SULF1: variants seen among roughly 807,000 people sequenced by gnomAD.
SULF1 encodes sulfatase 1, also known as extracellular sulfatase Sulf-1.
SULF1 carries 46 observed loss-of-function variants against 110.5 expected under a neutral mutation model. That is an observed-to-expected ratio of 0.42 (90% CI 0.33 to 0.53). The LOEUF is 0.53. SULF1 is among the 20% of genes least tolerant of loss of function. The pLI is 0.12. For missense variants in SULF1, 941 were observed against 1,094.2 expected (o/e 0.86, Z 1.98); for synonymous variants, 371 against 387.1 (o/e 0.96, Z 0.49).
At chr8:69,504,260 G>T (rs1811013591) in intron 3 of SULF1, among the ~76,000 whole-genome samples, 1 of 151,790 alleles carries the variant, frequency 6.6e-6, no homozygotes, top group African/African-American at 2.4e-5. Flanking sequence ...TCTAGGCTGG[G>T]CACAGTGGCT....
intron 1 of SULF1, among the ~76,000 whole-genome samples, chr8:69,470,177 C>G (rs541145133): frequency 6.6e-5 from 10 of 152,194 alleles, no homozygotes; most frequent in South Asian, 4.2e-4. Flanking sequence ...TTCCCCTGTG[C>G]AATATTTTTG....
chr8:69,473,373 T>C (rs1480226694), intron 1 of SULF1: 1 of 152,180 alleles, frequency 6.6e-6, no homozygotes, highest in African/African-American at 2.4e-5. Flanking sequence ...ACAGACAGAT[T>C]GTGTTTCTCA....
rs559186123 is a variant in SULF1 at position 69,505,889 on chromosome 8, T to C, written c.-134+3921T>C. On this transcript the variant is annotated intron_variant, in intron 3 of 22. Coordinates refer to ENST00000402687, the MANE Select transcript of SULF1 (RefSeq NM_001128205.2). ...TTGTAAAAACCATATAACAGTCGCT[T>C]AAGAGTTTTTTTTTTTTAAATCACA... Among the ~76,000 whole-genome samples, 20 of 152,206 alleles carry C rather than the reference T, an allele frequency of 1.3e-4. No individual in the cohort carries two copies. The South Asian group carries it at 4.1e-3, about 32-fold the overall frequency.
chr8:69,601,841 T>C lies in SULF1; in HGVS notation c.1061+12T>C. On this transcript the variant is annotated intron_variant, in intron 10 of 22. Transcript: ENST00000402687. ...GAACCAGGATCAATGTACGTATTTC[T>C]CTGTTTGCAACATTCAACTGTCGTA... is the stretch of plus-strand genomic sequence containing the variant. The C allele has an allele frequency of 6.3e-7, 1 of 1,595,446 alleles. No homozygotes were observed. The highest frequency in any genetic ancestry group is 2.3e-5 in the East Asian group (1 of 44,282).
At chr8:69,648,939 A>G (rs16936212) in intron 22 of SULF1, among the ~76,000 whole-genome samples, 6,338 of 152,284 alleles carry the variant, frequency 0.042, 455 homozygotes, top group African/African-American at 0.15. Context: ...ATTTGTCTTA[A>G]TGGATTCACG....
At chr8:69,627,340 CCAAACT>C in intron 16 of SULF1, 34 bp downstream of exon 16, 3 of 1,561,620 alleles carry the variant, frequency 1.9e-6, no homozygotes, top group Non-Finnish European at 2.6e-6. Flanking sequence ...CAGATATATT[CCAAACT>C]CAAACTCGGC....
At chr8:69,494,885 A>AG (rs1810223964) in intron 1 of SULF1, among the ~76,000 whole-genome samples, 1 of 123,210 alleles carries the variant, frequency 8.1e-6, no homozygotes, top group African/African-American at 4.5e-5. Flanking sequence ...ATCTCAAAGG[A>AG]AAAAAAAAAA....
intron 1 of SULF1, among the ~76,000 whole-genome samples, chr8:69,472,819 T>C (rs1003700786): frequency 6.6e-6 from 1 of 152,216 alleles, no homozygotes; most frequent in Non-Finnish European, 1.5e-5. Context: ...CAGTAGTGTA[T>C]TAAACTTTTT....
chr8:69,503,072 C>T (rs1722200975), intron 3 of SULF1, among the ~76,000 whole-genome samples: 1 of 152,182 alleles, frequency 6.6e-6, no homozygotes, highest in South Asian at 2.1e-4. Context: ...TGAACCTCAC[C>T]TAAAAAGCAA....
At position 69,651,983 on chromosome 8, in the gene SULF1, G is replaced by A. The variant is rs533321065; in HGVS notation, c.2586-6522G>A. 6.7e-4 allele frequency among the ~76,000 whole-genome samples: 102 copies of A among 152,242 alleles called. 2 individuals are homozygous for A. In the South Asian group the frequency reaches 0.017, roughly 25 times the overall value. ...GGCTGAAATCTTCTGGGGGCTCGAG[G>A]CAAGAATGTCCTTGCTTTTCCAGTT... is the stretch of plus-strand genomic sequence containing the variant. On this transcript the variant is annotated intron_variant, in intron 22 of 22. Coordinates refer to ENST00000402687, the MANE Select transcript of SULF1 (RefSeq NM_001128205.2).
chr8:69,534,924 A>G (rs1036485188), intron 3 of SULF1, among the ~76,000 whole-genome samples: 7 of 152,140 alleles, frequency 4.6e-5, no homozygotes, highest in African/African-American at 1.7e-4. Context: ...ATAATATAAG[A>G]CTTTATAAGG....
intron 6 of SULF1, among the ~76,000 whole-genome samples, chr8:69,582,781 C>T (rs1025699467): frequency 1.3e-5 from 2 of 151,796 alleles, no homozygotes; most frequent in Admixed American, 1.3e-4. Context: ...CTGTTAAGTG[C>T]AAGCTTTTTG....
chr8:69,633,518 A>G (rs1044558192), intron 19 of SULF1, among the ~76,000 whole-genome samples: 1 of 151,486 alleles, frequency 6.6e-6, no homozygotes, highest in African/African-American at 2.4e-5. Context: ...TTTAGTAGAG[A>G]CAGGGTTTCC....
chr8:69,501,163 T>C (rs1167135827), intron 2 of SULF1, among the ~76,000 whole-genome samples: 1 of 152,194 alleles, frequency 6.6e-6, no homozygotes, highest in Non-Finnish European at 1.5e-5. Flanking sequence ...ATTTTTTAAA[T>C]GTGAAGGAAA....
intron 8 of SULF1, among the ~76,000 whole-genome samples, chr8:69,592,194 G>A (rs1021967213): frequency 3.9e-5 from 6 of 152,206 alleles, no homozygotes; most frequent in South Asian, 2.1e-4. Flanking sequence ...GCAAGGACAC[G>A]TGGTCACTGT....
chr8:69,558,437 G>A (rs185986983), intron 3 of SULF1, among the ~76,000 whole-genome samples: 222 of 152,236 alleles, frequency 1.5e-3, no homozygotes, highest in African/African-American at 5.1e-3. Context: ...TAATTCTTCT[G>A]CCCCATCCAA....
At chr8:69,574,596 ATT>A (rs756468205) in intron 5 of SULF1, among the ~76,000 whole-genome samples, 1 of 152,214 alleles carries the variant, frequency 6.6e-6, no homozygotes, top group Non-Finnish European at 1.5e-5. Context: ...CCTCTAGAGA[ATT>A]TATTACTGAA....
intron 3 of SULF1, among the ~76,000 whole-genome samples, chr8:69,554,171 G>C (rs1013197136): frequency 6.6e-6 from 1 of 152,194 alleles, no homozygotes; most frequent in Non-Finnish European, 1.5e-5. Context: ...GCTGAGAAAT[G>C]AAAGTTTAAA....
chr8:69,608,170 T>C (rs776164723), intron 13 of SULF1, among the ~76,000 whole-genome samples: 33 of 152,346 alleles, frequency 2.2e-4, no homozygotes, highest in Admixed American at 3.9e-4. Flanking sequence ...TCTAGTTGTG[T>C]CTTCTCAAAT....
Sources: gnomAD v4.1 joint callset for allele counts (sites outside exome capture counted in the v4.1 genomes callset) on GRCh38, gnomAD v4.1.1 for gene constraint, MANE v1.5 for transcripts, NCBI Gene and HGNC (gene_info 2026-07-23, HGNC 2026-07-21) for gene names.